FSTL4: variants seen among roughly 807,000 people sequenced by gnomAD.
FSTL4 encodes follistatin like 4.
Under a neutral mutation model 78.2 loss-of-function variants are expected in FSTL4, and 28 were observed. The ratio of observed to expected loss-of-function variants is 0.36; its 90% CI spans 0.27 to 0.49. The LOEUF is 0.49. Among genes scored for constraint, FSTL4 ranks in the 20% least tolerant of loss-of-function variants. The pLI is 0.98. For missense variants in FSTL4, 922 were observed against 1,084.9 expected (o/e 0.85, Z 2.11); for synonymous variants, 422 against 440.5 (o/e 0.96, Z 0.53).
At chr5:133,314,551 C>CA in intron 5 of FSTL4, among the ~76,000 whole-genome samples, 1 of 151,794 alleles carries the variant, frequency 6.6e-6, no homozygotes, top group East Asian at 2.0e-4. Flanking sequence ...GTTGTCCCTA[C>CA]AGACCTTGAA....
In FSTL4 at chr5:133,304,032, T is replaced by G. The variant is rs1165524827; in HGVS notation, c.727+8622A>C. ...GGCCATGCAAAGATTTCCCTTGAGA[T>G]GTGAGCTCTGGAAGGCTCAGGCATT... On this transcript the variant is annotated intron_variant, in intron 6 of 15. Coordinates refer to ENST00000265342, the MANE Select transcript of FSTL4 (RefSeq NM_015082.2). Among the ~76,000 whole-genome samples, 5 of 152,138 alleles carry G rather than the reference T, an allele frequency of 3.3e-5. No individual in the cohort carries two copies. The East Asian group carries it at 9.7e-4, about 29-fold the overall frequency.
chr5:133,320,729 T>C (rs11739743), intron 4 of FSTL4, among the ~76,000 whole-genome samples: 99,841 of 151,852 alleles, frequency 0.66, 33,115 homozygotes, highest in Middle Eastern at 0.71. Flanking sequence ...AATCATTGGC[T>C]GGGCGTGGTG....
intron 7 of FSTL4, chr5:133,247,541 T>C (rs1316085926): frequency 6.6e-6 from 1 of 152,248 alleles, no homozygotes; most frequent in East Asian, 1.9e-4. Flanking sequence ...CACTGCACCT[T>C]GTGAGCAGGT....
At chr5:133,473,752 A>G (rs1404232567) in intron 3 of FSTL4, among the ~76,000 whole-genome samples, 1 of 152,178 alleles carries the variant, frequency 6.6e-6, no homozygotes, top group African/African-American at 2.4e-5. Flanking sequence ...ACAGTTTCCC[A>G]TGGCTAGGGA....
chr5:133,693,917 A>G, the FSTL4 span, among the ~76,000 whole-genome samples: 2 of 152,134 alleles, frequency 1.3e-5, no homozygotes, highest in African/African-American at 4.8e-5. Context: ...TTGCCCACCC[A>G]CATTGAAGGC....
chr5:133,625,372 T>C, the FSTL4 span, among the ~76,000 whole-genome samples: 1 of 151,712 alleles, frequency 6.6e-6, no homozygotes, highest in East Asian at 1.9e-4. Context: ...AATTATTTCA[T>C]TTAATTTTAG....
At chr5:133,839,645 C>T in the FSTL4 span, among the ~76,000 whole-genome samples, 96 of 152,272 alleles carry the variant, frequency 6.3e-4, no homozygotes, top group African/African-American at 2.2e-3. Flanking sequence ...ATTGCTCTTG[C>T]GGGACTGTGG....
intron 11 of FSTL4, among the ~76,000 whole-genome samples, chr5:133,222,031 A>G (rs982327333): frequency 2.0e-5 from 3 of 150,188 alleles, no homozygotes; most frequent in African/African-American, 7.4e-5. Flanking sequence ...CTTTTTTCCA[A>G]CAACTCTGCA....
chr5:133,740,459 G>A, the FSTL4 span, among the ~76,000 whole-genome samples: 3,921 of 152,114 alleles, frequency 0.026, 175 homozygotes, highest in African/African-American at 0.087. Context: ...GTGCCAACCC[G>A]CCCCCACTCC....
the FSTL4 span, among the ~76,000 whole-genome samples, chr5:133,797,594 C>A: frequency 6.6e-6 from 1 of 152,118 alleles, no homozygotes; most frequent in Non-Finnish European, 1.5e-5. Flanking sequence ...CCGTCATGGC[C>A]AATAACTCAG....
chr5:133,649,328 T>C, the FSTL4 span, among the ~76,000 whole-genome samples: 6 of 152,316 alleles, frequency 3.9e-5, no homozygotes, highest in East Asian at 1.2e-3. Flanking sequence ...TAAATATCCA[T>C]GTGTAGGTTC....
chr5:133,679,391 G>T, the FSTL4 span, among the ~76,000 whole-genome samples: 1 of 152,260 alleles, frequency 6.6e-6, no homozygotes, highest in South Asian at 2.1e-4. Context: ...ACCTTTCTGT[G>T]GGTAGCAGTC....
intron 2 of FSTL4, among the ~76,000 whole-genome samples, chr5:133,598,432 G>A (rs1253854573): frequency 1.5e-5 from 2 of 132,670 alleles, no homozygotes; most frequent in East Asian, 2.1e-4. Context: ...ACCCCATTCT[G>A]CAATTGGGAA....
chr5:133,363,623 C>T (rs1375643241), intron 4 of FSTL4, among the ~76,000 whole-genome samples: 1 of 152,134 alleles, frequency 6.6e-6, no homozygotes, highest in Non-Finnish European at 1.5e-5. Flanking sequence ...TAACATTTAG[C>T]ATCCACGTGG....
At chr5:133,292,183 C>T (rs1314487992) in intron 6 of FSTL4, among the ~76,000 whole-genome samples, 1 of 152,228 alleles carries the variant, frequency 6.6e-6, no homozygotes, top group African/African-American at 2.4e-5. Context: ...TTCTCCATCT[C>T]TGACCCCTTT....
intron 6 of FSTL4, among the ~76,000 whole-genome samples, chr5:133,293,222 C>T (rs1295705370): frequency 6.6e-6 from 1 of 152,268 alleles, no homozygotes; most frequent in Admixed American, 6.5e-5. Flanking sequence ...TCTCTCCCAA[C>T]CGCCACCCCA....
intron 2 of FSTL4, among the ~76,000 whole-genome samples, chr5:133,569,251 A>G (rs1760098588): frequency 6.6e-6 from 1 of 152,182 alleles, no homozygotes; most frequent in African/African-American, 2.4e-5. Flanking sequence ...CTATACTTCC[A>G]GGTGTTTTCT....
At chr5:133,466,767 A>G in intron 3 of FSTL4, among the ~76,000 whole-genome samples, 1 of 152,200 alleles carries the variant, frequency 6.6e-6, no homozygotes, top group Non-Finnish European at 1.5e-5. Context: ...AAATGGATGC[A>G]AGACAGTGTG....
At chr5:133,378,050 T>C (rs756844397) in intron 4 of FSTL4, among the ~76,000 whole-genome samples, 11 of 152,096 alleles carry the variant, frequency 7.2e-5, no homozygotes, top group Non-Finnish European at 1.2e-4. Flanking sequence ...ACAAAACCAC[T>C]TTTCAAAAAC....
Sources: gnomAD v4.1 joint callset for allele counts (sites outside exome capture counted in the v4.1 genomes callset) on GRCh38, gnomAD v4.1.1 for gene constraint, MANE v1.5 for transcripts, NCBI Gene and HGNC (gene_info 2026-07-23, HGNC 2026-07-21) for gene names.